The following SULT1C3 variants were observed in gnomAD, a reference collection of about 807,000 sequenced individuals.
The protein encoded by SULT1C3 is sulfotransferase 1C3.
A neutral mutation model predicts 28.4 loss-of-function variants in SULT1C3; 31 were observed. The observed-to-expected ratio is 1.09, with a 90% CI of 0.82 to 1.47. SULT1C3 has a LOEUF of 1.47. Among genes scored for constraint, SULT1C3 ranks in the 40% most tolerant of loss-of-function variants. The pLI, the probability that SULT1C3 is intolerant of heterozygous loss-of-function variation, is 0.00. For missense variants in SULT1C3, 307 were observed against 272.5 expected (o/e 1.13, Z -0.89); for synonymous variants, 106 against 92.2 (o/e 1.15, Z -0.86).
At chr2:108,261,087 C>A (rs1676015162), downstream of SULT1C3, among the ~76,000 whole-genome samples, 1 of 152,054 alleles carries the variant, frequency 6.6e-6, no homozygotes, top group Non-Finnish European at 1.5e-5. Flanking sequence ...AGTGTACATT[C>A]TATACTTTTA....
intron 1 of SULT1C3, among the ~76,000 whole-genome samples, chr2:108,244,962 G>A (rs190015729): frequency 6.6e-6 from 1 of 152,282 alleles, no homozygotes; most frequent in East Asian, 1.9e-4. Context: ...AGGAGTCCCA[G>A]TGCTTCAAAA....
intron 2 of SULT1C3, among the ~76,000 whole-genome samples, chr2:108,251,005 C>T (rs541857272): frequency 1.4e-4 from 22 of 152,152 alleles, no homozygotes; most frequent in African/African-American, 5.1e-4. Context: ...ACATTTATAA[C>T]AGGTTCATTC....
At chr2:108,257,468 A>G (rs1300865614) in intron 5 of SULT1C3, among the ~76,000 whole-genome samples, 1 of 152,068 alleles carries the variant, frequency 6.6e-6, no homozygotes, top group Non-Finnish European at 1.5e-5. Flanking sequence ...ATGCATATAT[A>G]TAAAACATGC....
intron 2 of SULT1C3, among the ~76,000 whole-genome samples, chr2:108,250,918 C>T (rs1675711890): frequency 6.6e-6 from 1 of 151,988 alleles, no homozygotes; most frequent in African/African-American, 2.4e-5. Flanking sequence ...AAAAGAATTA[C>T]TGATAGCAAC....
downstream of SULT1C3, among the ~76,000 whole-genome samples, chr2:108,261,857 A>G (rs1193103760): frequency 1.3e-5 from 2 of 152,120 alleles, no homozygotes; most frequent in Non-Finnish European, 2.9e-5. Flanking sequence ...ATGACATCCT[A>G]TTCTCTAGTC....
chr2:108,264,488 C>T (rs1369877913), downstream of SULT1C3, among the ~76,000 whole-genome samples: 2 of 152,172 alleles, frequency 1.3e-5, no homozygotes, highest in African/African-American at 4.8e-5. Context: ...TGTTCTCCCC[C>T]AGGAGATATC....
At chr2:108,249,953 A>C (rs1202810578) in intron 2 of SULT1C3, among the ~76,000 whole-genome samples, 2 of 152,062 alleles carry the variant, frequency 1.3e-5, no homozygotes, top group African/African-American at 4.8e-5. Flanking sequence ...TCAAAAAATT[A>C]AAATTAAATC....
chr2:108,264,262 C>T (rs188836834), downstream of SULT1C3, among the ~76,000 whole-genome samples: 185 of 152,314 alleles, frequency 1.2e-3, no homozygotes, highest in African/African-American at 4.1e-3. Context: ...TAATCAAAAG[C>T]TATAGCTTTC....
intron 3 of SULT1C3, among the ~76,000 whole-genome samples, chr2:108,252,822 T>C (rs1294735658): frequency 6.6e-6 from 1 of 152,072 alleles, no homozygotes; most frequent in East Asian, 1.9e-4. Context: ...CAATCAGCTA[T>C]TGTAAAATAA....
chr2:108,250,599 A>G (rs1332067450), intron 2 of SULT1C3, among the ~76,000 whole-genome samples: 2 of 730 alleles, frequency 2.7e-3, no homozygotes, highest in Non-Finnish European at 3.5e-3. Context: ...AAACTTGTAC[A>G]CAACACTATA....
intron 4 of SULT1C3, 59 bp downstream of exon 4, chr2:108,253,501 A>G: frequency 1.1e-6 from 1 of 876,696 alleles, no homozygotes. Context: ...TATACAACTG[A>G]AGATATCTTT....
At chr2:108,265,118 A>C, downstream of SULT1C3, 1 of 1,461,330 alleles carries the variant, frequency 6.8e-7, no homozygotes, top group Non-Finnish European at 9.3e-7. Flanking sequence ...CAGCAGCACC[A>C]CTGTACAACC....
chr2:108,264,868 AAG>A, downstream of SULT1C3: 1 of 1,613,570 alleles, frequency 6.2e-7, no homozygotes, highest in South Asian at 1.1e-5. Context: ...TTCCTGGAAA[AAG>A]ACATATCAGA....
At chr2:108,242,680 G>C (rs1675492617) in intron 1 of SULT1C3, among the ~76,000 whole-genome samples, 1 of 152,172 alleles carries the variant, frequency 6.6e-6, no homozygotes, top group African/African-American at 2.4e-5. Context: ...ATACATAACA[G>C]AACAGAGTCT....
intron 1 of SULT1C3, among the ~76,000 whole-genome samples, 105 bp downstream of exon 1, chr2:108,240,188 T>C (rs533437683): frequency 6.6e-6 from 1 of 152,196 alleles, no homozygotes. Context: ...AAAAAATAGC[T>C]TTGGAGCCTT....
At chr2:108,265,343 G>A (rs746141748), downstream of SULT1C3, 3 of 1,612,832 alleles carry the variant, frequency 1.9e-6, no homozygotes, top group Admixed American at 5.0e-5. Flanking sequence ...CTTCCGCACA[G>A]AGATCTGAGA....
intron 6 of SULT1C3, 46 bp downstream of exon 6, chr2:108,258,874 A>G (rs768342165): frequency 6.9e-7 from 1 of 1,456,428 alleles, no homozygotes; most frequent in Admixed American, 1.8e-5. Flanking sequence ...AACCCTCCTG[A>G]CAATGTTATT....
At chr2:108,243,052 A>G (rs1232946756) in intron 1 of SULT1C3, among the ~76,000 whole-genome samples, 1 of 152,182 alleles carries the variant, frequency 6.6e-6, no homozygotes, top group Non-Finnish European at 1.5e-5. Flanking sequence ...TGACTTTTCA[A>G]TTTTACAAAA....
rs1041036957 is a variant in SULT1C3, at chr2:108,257,989, T to C, written c.527-745T>C. Among the ~76,000 whole-genome samples the C allele has an allele frequency of 2.0e-5, 3 of 152,174 alleles. No homozygotes were observed. The East Asian group carries it at 5.8e-4, about 29-fold the overall frequency. ...ATTCAAAAGAGAGCATTTCACACAC[T>C]TGCTCACTTGGTCTGTGGTCATTTT... On this transcript the variant is annotated intron_variant, in intron 5 of 7. Coordinates refer to ENST00000681802, the MANE Select transcript of SULT1C3 (RefSeq NM_001320878.2).
Sources: gnomAD v4.1 joint callset for allele counts (sites outside exome capture counted in the v4.1 genomes callset) on GRCh38, gnomAD v4.1.1 for gene constraint, MANE v1.5 for transcripts, NCBI Gene and HGNC (gene_info 2026-07-23, HGNC 2026-07-21) for gene names.